Variants in GOLPH3 observed in about 807,000 individuals in gnomAD.
GOLPH3 encodes the protein golgi phosphoprotein 3.
Under a neutral mutation model 28.5 loss-of-function variants are expected in GOLPH3, and 14 were observed. The ratio of observed to expected loss-of-function variants is 0.49; its 90% CI spans 0.32 to 0.77. GOLPH3 has a LOEUF of 0.77. Among genes scored for constraint, GOLPH3 ranks in the 30% least tolerant of loss-of-function variants. The pLI is 0.03. For missense variants in GOLPH3, 350 were observed against 393.7 expected (o/e 0.89, Z 0.94); for synonymous variants, 158 against 159.2 (o/e 0.99, Z 0.06).
chr5:32,152,480 C>T (rs1581549451), intron 1 of GOLPH3, among the ~76,000 whole-genome samples: 1 of 143,524 alleles, frequency 7.0e-6, no homozygotes, highest in South Asian at 2.4e-4. Flanking sequence ...ACCTATCAGA[C>T]CGGCAAAAAT....
intron 3 of GOLPH3, 86 bp downstream of exon 3, chr5:32,135,486 A>G: frequency 2.5e-6 from 2 of 796,440 alleles, no homozygotes; most frequent in East Asian, 2.5e-5. Flanking sequence ...GCTTCTGGCT[A>G]TTTTGTGTAG....
rs372381710 is a variant in GOLPH3 at position 32,125,814 on chromosome 5, T to G, written c.*398A>C. The G allele has an allele frequency of 2.5e-4, 41 of 167,140 alleles. No individual in the cohort carries two copies. Among genetic ancestry groups the G allele is most frequent in the Non-Finnish European group, 3.2e-4 (25 of 77,516 alleles). 10.4% of individuals were successfully genotyped at this position (167,140 alleles called of 1,614,324 possible). ...TTACCTTTGGTGAGTTGAAGGCCTT[T>G]TTGTGACTTCTGTCTGAACTGTAGG... On this transcript the variant is annotated 3_prime_UTR_variant, in exon 4 of 4. Transcript: ENST00000265070.
chr5:32,166,956 T>C (rs559205237), intron 1 of GOLPH3, among the ~76,000 whole-genome samples: 14 of 150,942 alleles, frequency 9.3e-5, no homozygotes, highest in Admixed American at 5.3e-4. Flanking sequence ...AGAAAAGTTA[T>C]GCTGTTAGAA....
At chr5:32,134,453 C>A (rs926329477) in intron 3 of GOLPH3, among the ~76,000 whole-genome samples, 7 of 151,690 alleles carry the variant, frequency 4.6e-5, no homozygotes, top group African/African-American at 1.5e-4. Context: ...AGGAGATTCA[C>A]CCGCCTCAGC....
intron 1 of GOLPH3, among the ~76,000 whole-genome samples, chr5:32,149,800 C>G (rs1181868733): frequency 6.6e-6 from 1 of 152,070 alleles, no homozygotes; most frequent in Non-Finnish European, 1.5e-5. Flanking sequence ...AGTTCAAGAC[C>G]AGCCTGGCCA....
rs189384788 is a variant in GOLPH3, at chr5:32,166,769, T to C, written c.225+7041A>G. Among the ~76,000 whole-genome samples the C allele has an allele frequency of 4.4e-4, 67 of 151,214 alleles. No individual in the cohort carries two copies. In the East Asian group the frequency reaches 0.013, roughly 29 times the overall value. The stretch of plus-strand genomic sequence containing the variant: ...TTGCAGTGGGCCAAGACGGTGCCAT[T>C]GCACTTCAGCCCGAGTGATAAAAGC... On this transcript the variant is annotated intron_variant, in intron 1 of 3. Coordinates refer to ENST00000265070, the MANE Select transcript of GOLPH3 (RefSeq NM_022130.4).
intron 1 of GOLPH3, among the ~76,000 whole-genome samples, chr5:32,154,574 T>C (rs1347710882): frequency 6.6e-6 from 1 of 152,234 alleles, no homozygotes; most frequent in East Asian, 1.9e-4. Context: ...CTTTCAGGTA[T>C]AGGTCACTAA....
chr5:32,174,267 C>A lies in GOLPH3; in HGVS notation c.-233G>T, dbSNP rs1317911942. ...CGCCTTCCTGCCTGTGGCCGCAGTC[C>A]CCGAAACACCCCGAGCTCCAAGGCG... is the stretch of plus-strand genomic sequence containing the variant. On this transcript the variant is annotated 5_prime_UTR_variant, in exon 1 of 4. Transcript: ENST00000265070. 4 of 354,906 alleles carry A rather than the reference C, an allele frequency of 1.1e-5. No individual in the cohort carries two copies. The East Asian group carries it at 1.7e-4, about 15-fold the overall frequency. 22.0% of individuals were successfully genotyped at this position (354,906 alleles called of 1,614,324 possible).
chr5:32,163,882 G>A (rs1746648812), intron 1 of GOLPH3, among the ~76,000 whole-genome samples: 1 of 152,030 alleles, frequency 6.6e-6, no homozygotes. Context: ...TATTTCTGAG[G>A]TTATTTTGTT....
In GOLPH3 at chr5:32,143,785, A is replaced by G. The variant is rs753884474; in HGVS notation, c.321T>C (p.Ala107=). 6.2e-7 allele frequency: 1 copy of G among 1,607,558 alleles called. No individual in the cohort carries two copies. Among genetic ancestry groups the G allele is most frequent in the Admixed American group, 1.7e-5 (1 of 58,142 alleles). The change falls in exon 2 of 4, where the codon GCT becomes GCC. Residue 107 remains alanine (A), a synonymous_variant. Transcript: ENST00000265070. ...LALRGRLQLE[A]CGMRRKSLLT... ...ATAGACTTTTACGTCTCATTCCACA[A>G]GCCTCTAGTTGTAACCTTCCTCTCA...
In GOLPH3 at chr5:32,126,404, G is replaced by A; in HGVS notation, c.705C>T (p.Arg235=). 1 of 1,614,162 alleles carries A rather than the reference G, an allele frequency of 6.2e-7. No homozygotes were observed. The highest frequency in any genetic ancestry group is 8.5e-7 in the Non-Finnish European group (1 of 1,180,018). ...GAGCCAGGTAAATGAGGGCCAGCAA[G>A]CGCCTGTCCATGCGGTGAGGGTCAT... The part of the protein sequence containing the change: ...WVNDPHRMDR[R]LLALIYLAHA... Residue 235 remains arginine (R), a synonymous_variant, in exon 4 of 4, where the codon CGC becomes CGT. Transcript: ENST00000265070.
At chr5:32,146,049 C>T (rs1746173910) in intron 1 of GOLPH3, among the ~76,000 whole-genome samples, 1 of 151,948 alleles carries the variant, frequency 6.6e-6, no homozygotes, top group Non-Finnish European at 1.5e-5. Flanking sequence ...CCCAGCACTT[C>T]GGGAGGCAGA....
chr5:32,161,372 C>T (rs1746572538), intron 1 of GOLPH3, among the ~76,000 whole-genome samples: 3 of 148,510 alleles, frequency 2.0e-5, no homozygotes, highest in Non-Finnish European at 3.0e-5. Flanking sequence ...CCACTGGACT[C>T]CACCCTGGGT....
Position 32,135,628 on chromosome 5 carries a change from T to C in GOLPH3, c.416A>G (p.His139Arg), listed in dbSNP as rs1358474115. 1.9e-6 allele frequency: 3 copies of C among 1,613,868 alleles called. No homozygotes were observed. The highest frequency in any genetic ancestry group is 2.2e-5 in the South Asian group (2 of 91,086). Reference sequence around the variant, plus strand: ...TTCTGGAGGCTGAGTTTCCTTAACATGCTTCAGAGCTTCATCAAGAAGAAC... The same window carrying C: ...TTCTGGAGGCTGAGTTTCCTTAACACGCTTCAGAGCTTCATCAAGAAGAAC... ...GDVLLDEALK[H>R]VKETQPPETV... Residue 139 changes from histidine to arginine, a missense_variant, in exon 3 of 4, where the codon CAT becomes CGT. Transcript: ENST00000265070.
chr5:32,154,809 G>A (rs1324302902), intron 1 of GOLPH3, among the ~76,000 whole-genome samples: 3 of 152,200 alleles, frequency 2.0e-5, no homozygotes, highest in Non-Finnish European at 4.4e-5. Context: ...TCTTGGCTGG[G>A]TGCAGTGGCT....
intron 1 of GOLPH3, among the ~76,000 whole-genome samples, chr5:32,159,776 C>T (rs533554763): frequency 3.9e-5 from 6 of 152,308 alleles, no homozygotes; most frequent in Admixed American, 3.3e-4. Context: ...AATATCATCA[C>T]CTTTTTACAT....
chr5:32,160,891 C>T (rs1746555957), intron 1 of GOLPH3, among the ~76,000 whole-genome samples: 2 of 151,806 alleles, frequency 1.3e-5, no homozygotes. Context: ...CACAGTGAAA[C>T]CCCGTCGCTA....
intron 2 of GOLPH3, among the ~76,000 whole-genome samples, chr5:32,142,338 G>C (rs1382160239): frequency 1.4e-5 from 2 of 147,636 alleles, no homozygotes; most frequent in African/African-American, 5.1e-5. Flanking sequence ...CAACCGCCCC[G>C]TCTGAGAAGT....
intron 1 of GOLPH3, among the ~76,000 whole-genome samples, chr5:32,172,588 G>C (rs529042264): frequency 6.1e-4 from 93 of 152,178 alleles, no homozygotes; most frequent in African/African-American, 2.1e-3. Flanking sequence ...CCGGCTACTC[G>C]GGAGGCTGAG....
Sources: gnomAD v4.1 joint callset for allele counts (sites outside exome capture counted in the v4.1 genomes callset) on GRCh38, gnomAD v4.1.1 for gene constraint, MANE v1.5 for transcripts, NCBI Gene and HGNC (gene_info 2026-07-23, HGNC 2026-07-21) for gene names.